NUP35: variants seen among roughly 807,000 people sequenced by gnomAD.
NUP35 encodes the protein nucleoporin 35.
A neutral mutation model predicts 41.5 loss-of-function variants in NUP35; 25 were observed. The observed-to-expected ratio is 0.60, with a 90% CI of 0.44 to 0.84. The LOEUF is 0.84. Ranked by LOEUF, NUP35 falls within the 40% of genes least tolerant of loss-of-function variation. The probability of loss-of-function intolerance (pLI) is 0.00; values close to 1 mark genes in which losing one functional copy is unlikely to be tolerated. For synonymous variants in NUP35, 149 were observed against 130.7 expected (o/e 1.14, Z -0.96); for missense variants, 396 against 396.6 (o/e 1.00, Z 0.01).
intron 4 of NUP35, among the ~76,000 whole-genome samples, chr2:183,143,803 A>C (rs1027614817): frequency 6.6e-6 from 1 of 152,152 alleles, no homozygotes; most frequent in Non-Finnish European, 1.5e-5. Context: ...AGTGTCTGTC[A>C]GTAGGGGTTT....
chr2:183,154,260 A>G (rs1486436509), intron 5 of NUP35, among the ~76,000 whole-genome samples: 1 of 152,208 alleles, frequency 6.6e-6, no homozygotes, highest in Admixed American at 6.5e-5. Context: ...TTGGGCATTA[A>G]CATTAGGCTC....
intron 3 of NUP35, chr2:183,131,171 T>C: frequency 5.0e-6 from 1 of 198,170 alleles, no homozygotes; most frequent in Non-Finnish European, 1.1e-5. Context: ...GATGAGGTCT[T>C]GCCGGATTCA....
intron 4 of NUP35, among the ~76,000 whole-genome samples, chr2:183,144,263 G>A (rs1234128075): frequency 6.6e-6 from 1 of 152,144 alleles, no homozygotes; most frequent in Non-Finnish European, 1.5e-5. Context: ...ACCAACTAGG[G>A]AAGCTCACTG....
chr2:183,121,248 G>T (rs1295484210), upstream of NUP35, among the ~76,000 whole-genome samples: 1 of 152,094 alleles, frequency 6.6e-6, no homozygotes. Flanking sequence ...TTTCGGAAGA[G>T]CATTACACAG....
intron 4 of NUP35, among the ~76,000 whole-genome samples, chr2:183,144,849 A>G (rs1685222289): frequency 6.6e-6 from 1 of 152,186 alleles, no homozygotes; most frequent in Non-Finnish European, 1.5e-5. Context: ...AAGTAATTAT[A>G]TTTTTCAGAG....
chr2:183,157,539 G>C (rs1685711821), intron 6 of NUP35, 26 bp downstream of exon 6: 1 of 1,470,922 alleles, frequency 6.8e-7, no homozygotes, highest in Non-Finnish European at 9.5e-7. Flanking sequence ...TTTCAGTTCA[G>C]AGTTTTGACT....
At chr2:183,159,449 A>C in intron 7 of NUP35, 39 bp from the exon 8 acceptor site, 1 of 1,534,748 alleles carries the variant, frequency 6.5e-7, no homozygotes, top group Non-Finnish European at 8.9e-7. Flanking sequence ...GATATGTATT[A>C]TGTTTATAAA....
At chr2:183,144,080 G>T (rs79453285) in intron 4 of NUP35, among the ~76,000 whole-genome samples, 5,327 of 152,266 alleles carry the variant, frequency 0.035, 294 homozygotes, top group African/African-American at 0.12. Flanking sequence ...TGAAAGTGCT[G>T]TGCTCATGGT....
Position 183,151,600 on chromosome 2 carries a change from TC to T in NUP35, c.491del (p.Ser164PhefsTer2). The T allele has an allele frequency of 6.2e-7, 1 of 1,613,996 alleles. No homozygotes were observed. Among genetic ancestry groups the T allele is most frequent in the Non-Finnish European group, 8.5e-7 (1 of 1,179,878 alleles). On this transcript the variant is annotated frameshift_variant, in exon 5 of 9. Transcript: ENST00000295119. LOFTEE classifies it high-confidence loss of function. ...QLDPFYTQGD[S>X]LTSEDHLDDS... ...GGATCCTTTTTATACTCAAGGAGAT[TC>T]TTTGACTTCAGAAGATCACCTCGAT...
intron 4 of NUP35, among the ~76,000 whole-genome samples, chr2:183,143,049 G>C (rs1329673496): frequency 6.6e-6 from 1 of 151,020 alleles, no homozygotes. Context: ...CCAGCTACTC[G>C]GGAGGCTGAG....
intron 8 of NUP35, 101 bp downstream of exon 8, chr2:183,159,753 C>T (rs1575140178): frequency 1.1e-6 from 1 of 909,392 alleles, no homozygotes; most frequent in Non-Finnish European, 1.7e-6. Flanking sequence ...TAAATGTTTC[C>T]TGTGGAGGCT....
chr2:183,144,200 G>C (rs1685197568), intron 4 of NUP35, among the ~76,000 whole-genome samples: 2 of 152,214 alleles, frequency 1.3e-5, no homozygotes, highest in African/African-American at 4.8e-5. Context: ...ATTGTCTTCA[G>C]GGAGATGTGT....
intron 1 of NUP35, chr2:183,118,925 G>C (rs889627308): frequency 2.0e-5 from 3 of 152,246 alleles, no homozygotes; most frequent in Non-Finnish European, 4.4e-5. Flanking sequence ...TGAGAGGCCT[G>C]TTAGCACTTT....
At chr2:183,161,013 A>G (rs761642381) in intron 8 of NUP35, 41 bp from the exon 9 acceptor site, 1 of 1,508,118 alleles carries the variant, frequency 6.6e-7, no homozygotes, top group Non-Finnish European at 9.2e-7. Flanking sequence ...CACTGAAGTA[A>G]CAATAACCTA....
At chr2:183,149,121 A>G (rs1477816085) in intron 4 of NUP35, among the ~76,000 whole-genome samples, 3 of 152,208 alleles carry the variant, frequency 2.0e-5, no homozygotes, top group Non-Finnish European at 4.4e-5. Flanking sequence ...AATAGTTAGA[A>G]TATGTTAAGT....
intron 4 of NUP35, among the ~76,000 whole-genome samples, chr2:183,142,346 T>G (rs1355052263): frequency 6.6e-6 from 1 of 152,194 alleles, no homozygotes; most frequent in Non-Finnish European, 1.5e-5. Context: ...AATTGCTTGT[T>G]TGTGTGTTGC....
chr2:183,143,697 G>A (rs1222461143), intron 4 of NUP35, among the ~76,000 whole-genome samples: 1 of 152,152 alleles, frequency 6.6e-6, no homozygotes, highest in Admixed American at 6.5e-5. Flanking sequence ...GGCCTGGTCT[G>A]TAAGCCCTTA....
chr2:183,151,081 A>AT (rs1685453997), intron 4 of NUP35, among the ~76,000 whole-genome samples: 1 of 152,226 alleles, frequency 6.6e-6, no homozygotes, highest in Non-Finnish European at 1.5e-5. Flanking sequence ...CTGGAAAAGT[A>AT]AGGTTGCAAC....
chr2:183,157,944 A>G (rs1685728830), intron 6 of NUP35, among the ~76,000 whole-genome samples: 2 of 152,252 alleles, frequency 1.3e-5, no homozygotes, highest in South Asian at 4.1e-4. Context: ...TAAGTAACAA[A>G]TCCTTTTTTG....
Sources: gnomAD v4.1 joint callset for allele counts (sites outside exome capture counted in the v4.1 genomes callset) on GRCh38, gnomAD v4.1.1 for gene constraint, MANE v1.5 for transcripts, NCBI Gene and HGNC (gene_info 2026-07-23, HGNC 2026-07-21) for gene names.